The following GORASP1 variants were observed in gnomAD, a reference collection of about 807,000 sequenced individuals.
The protein encoded by GORASP1 is golgi reassembly stacking protein 1, also known as Golgi reassembly-stacking protein 1.
A neutral mutation model predicts 37.7 loss-of-function variants in GORASP1; 31 were observed. The ratio of observed to expected loss-of-function variants is 0.82; its 90% CI spans 0.62 to 1.11. The LOEUF is 1.11. Ranked by LOEUF, GORASP1 falls within the 50% of genes least tolerant of loss-of-function variation. The pLI is 0.00. For missense variants in GORASP1, 476 were observed against 560.7 expected, an observed-to-expected ratio of 0.85 and a Z score of 1.53; for synonymous variants, 204 against 224.8, an observed-to-expected ratio of 0.91 and a Z score of 0.83.
At chr3:39,099,531 G>A in intron 6 of GORASP1, 28 bp from the exon 7 acceptor site, 1 of 1,598,188 alleles carries the variant, frequency 6.3e-7, no homozygotes, top group Non-Finnish European at 8.5e-7. Flanking sequence ...ATGGGTAGGG[G>A]ACAATCAGGA....
rs2035440875 is a variant in GORASP1, at chr3:39,097,953, A to G, written c.*283T>C. The G allele has an allele frequency of 2.2e-6, 1 of 451,062 alleles. No homozygotes were observed. The highest frequency in any genetic ancestry group is 4.0e-6 in the Non-Finnish European group (1 of 247,626). 27.9% of individuals were successfully genotyped at this position (451,062 alleles called of 1,614,324 possible). A position where few individuals can be genotyped will look rare whatever the true frequency, so the allele number is the denominator to read the frequency against. The stretch of plus-strand genomic sequence containing the variant: ...CAAAGCGACCAGGCCAACACTGGAC[A>G]GCAACCCCTTCCTTCCTCACCTCAT... On this transcript the variant is annotated 3_prime_UTR_variant, in exon 9 of 9. Transcript: ENST00000319283.
chr3:39,099,258 T>G (rs769038801), intron 7 of GORASP1, 95 bp downstream of exon 7: 1 of 1,336,258 alleles, frequency 7.5e-7, no homozygotes, highest in Non-Finnish European at 1.1e-6. Flanking sequence ...ACATGAGATA[T>G]GAGGGGTCAG....
chr3:39,102,909 G>C lies in GORASP1; in HGVS notation c.145-28C>G. On this transcript the variant is annotated intron_variant, in intron 2 of 8. Transcript: ENST00000319283. The surrounding 1 kb of genome is among the most constrained non-coding windows in gnomAD (Gnocchi z 5.0). ...GTGGGGGCAATGGGGCTGACTCCAA[G>C]GCCACCTCATGCCCAGGCTAGGACC... The C allele has an allele frequency of 6.2e-7, 1 of 1,602,250 alleles. No homozygotes were observed. Among genetic ancestry groups the C allele is most frequent in the Non-Finnish European group, 8.6e-7 (1 of 1,169,150 alleles).
rs1479168148 is a variant in GORASP1, at chr3:39,098,831, G to A, written c.979C>T (p.Leu327=). ...DNSNASVWPS[L]PSSTELTTTA... ...GTGGTCAGTTCTGTGGAAGAGGGCA[G>A]GCTGGGCCACACACTGGCATTGCTG... is the stretch of plus-strand genomic sequence containing the variant. The change falls in exon 8 of 9, where the codon CTG becomes TTG. Residue 327 remains leucine (L), a synonymous_variant. Transcript: ENST00000319283. The surrounding 1 kb of genome is among the most constrained non-coding windows in gnomAD (Gnocchi z 4.7). 5 of 1,614,044 alleles carry A rather than the reference G, an allele frequency of 3.1e-6. No individual in the cohort carries two copies. The African/African-American group carries it at 6.7e-5, about 22-fold the overall frequency.
In GORASP1 at chr3:39,101,015, C is replaced by T. The variant is rs1193713030; in HGVS notation, c.435+1G>A. On this transcript the variant is annotated splice_donor_variant, in intron 4 of 8. Coordinates refer to ENST00000319283, the MANE Select transcript of GORASP1 (RefSeq NM_031899.4). LOFTEE classifies it high-confidence loss of function. ...GGAGGGGCAAATTGCGGGTTCCTCA[C>T]CTCCTGGAGAATCTGGTCCGAACCA... 1.2e-6 allele frequency: 2 copies of T among 1,614,052 alleles called. No homozygotes were observed. The highest frequency in any genetic ancestry group is 1.7e-6 in the Non-Finnish European group (2 of 1,180,000).
chr3:39,102,774 C>T lies in GORASP1; in HGVS notation c.252G>A (p.Val84=). The part of the protein sequence containing the change: ...MKTMRVREVE[V]VPSNMWGGQG... ...GGCCGCCCCACATGTTGCTGGGCAC[C>T]ACCTCCACCTCGCGCACCCTCATGG... Residue 84 remains valine, a synonymous_variant, in exon 3 of 9, where the codon GTG becomes GTA. Transcript: ENST00000319283. This position sits in a 1 kb window ranked among gnomAD's most constrained non-coding sequence, Gnocchi z 5.0. The T allele has an allele frequency of 6.2e-7, 1 of 1,614,212 alleles. No homozygotes were observed. Among genetic ancestry groups the T allele is most frequent in the Non-Finnish European group, 8.5e-7 (1 of 1,180,028 alleles).
chr3:39,106,838 G>A, intron 1 of GORASP1: 1 of 280,966 alleles, frequency 3.6e-6, no homozygotes, highest in Non-Finnish European at 7.4e-6. Flanking sequence ...TGCTCGCCCA[G>A]ACCTCCATGT....
At chr3:39,099,061 G>A (rs1168050274) in intron 7 of GORASP1, 168 bp from the exon 8 acceptor site, 7 of 905,356 alleles carry the variant, frequency 7.7e-6, no homozygotes, top group Non-Finnish European at 1.2e-5. Context: ...CACACTGCCT[G>A]TTTCTGAGGA....
At position 39,100,206 on chromosome 3, in the gene GORASP1, C is replaced by A. The variant is rs2125699791; in HGVS notation, c.765+99G>T. The stretch of plus-strand genomic sequence containing the variant: ...CTGGGTCCCAGAAGTACATGGGCCT[C>A]TCAGATCACAAAGGCCCCTGGTGAG... On this transcript the variant is annotated intron_variant, in intron 6 of 8. Coordinates refer to ENST00000319283, the MANE Select transcript of GORASP1 (RefSeq NM_031899.4). The surrounding 1 kb of genome is among the most constrained non-coding windows in gnomAD (Gnocchi z 4.6). 9.4e-7 allele frequency: 1 copy of A among 1,065,488 alleles called. No homozygotes were observed. The highest frequency in any genetic ancestry group is 1.4e-6 in the Non-Finnish European group (1 of 695,458). The allele number at this position is 1,065,488 out of a possible 1,614,324, so 66.0% of individuals were successfully genotyped here. A position where few individuals can be genotyped will look rare whatever the true frequency, so the allele number is the denominator to read the frequency against.
rs772637929 is a variant in GORASP1, at chr3:39,098,375, GCAGAGGTGAGACTGT to G, written c.1169_1183del (p.Asp390_Ser394del). 19 of 1,614,070 alleles carry G rather than the reference GCAGAGGTGAGACTGT, an allele frequency of 1.2e-5. No individual in the cohort carries two copies. In the South Asian group the frequency reaches 1.8e-4, roughly 15 times the overall value. ...GGACAGCCCATCTTCTGGTGAGGCT[GCAGAGGTGAGACTGT>G]CAGGAAGAGTCAGCTGAGGCAGGTG... On this transcript the variant is annotated inframe_deletion, in exon 9 of 9. Coordinates refer to ENST00000319283, the MANE Select transcript of GORASP1 (RefSeq NM_031899.4). The surrounding 1 kb of genome is among the most constrained non-coding windows in gnomAD (Gnocchi z 4.7).
chr3:39,096,931 A>G lies in GORASP1; in HGVS notation c.*1305T>C, dbSNP rs1342378153. 6.6e-6 allele frequency: 1 copy of G among 152,326 alleles called. No individual in the cohort carries two copies. Among genetic ancestry groups the G allele is most frequent in the Non-Finnish European group, 1.5e-5 (1 of 68,072 alleles). The allele number at this position is 152,326 out of a possible 1,614,324, so 9.4% of individuals were successfully genotyped here. ...AACAGTCCTGTGGCGATTCTGTTCTACTTCCTGCATTCCAGCAGACTTGAC... is the reference window on the plus strand; with the variant it reads ...AACAGTCCTGTGGCGATTCTGTTCTGCTTCCTGCATTCCAGCAGACTTGAC... On this transcript the variant is annotated 3_prime_UTR_variant, in exon 9 of 9. Transcript: ENST00000319283.
rs747860364 is a variant in GORASP1, at chr3:39,098,291, G to A, written c.1268C>T (p.Thr423Ile). ...GTCCAGCCCCTCAGCCTCCGTCCCA[G>A]TATCTAGGCCCTCTGTGCTTGCTGG... ...EEPASTEGLD[T>I]GTEAEGLDSQ... The change falls in exon 9 of 9, where the codon ACT becomes ATT. Residue 423 changes from threonine to isoleucine, a missense_variant. By Grantham distance (89) the Thr-to-Ile change is moderately conservative. Transcript: ENST00000319283. The surrounding 1 kb of genome is among the most constrained non-coding windows in gnomAD (Gnocchi z 4.7). 1.1e-5 allele frequency: 18 copies of A among 1,614,194 alleles called. No individual in the cohort carries two copies. Among genetic ancestry groups the A allele is most frequent in the Non-Finnish European group, 1.3e-5 (15 of 1,180,038 alleles).
chr3:39,107,078 T>C (rs1053265713), intron 1 of GORASP1: 1 of 468,318 alleles, frequency 2.1e-6, no homozygotes, highest in Non-Finnish European at 4.3e-6. Flanking sequence ...TCGGCGTGGC[T>C]GACTCTCTTC....
At chr3:39,101,678 CA>C in intron 3 of GORASP1, 1 of 424,514 alleles carries the variant, frequency 2.4e-6, no homozygotes, top group Non-Finnish European at 4.8e-6. Flanking sequence ...CTGGGAAATG[CA>C]AAGCAATTTG....
At position 39,100,878 on chromosome 3, in the gene GORASP1, CTG is replaced by C. The variant is rs2035656806; in HGVS notation, c.436-3_436-2del. On this transcript the variant is annotated splice_acceptor_variant and splice_polypyrimidine_tract_variant and intron_variant, in intron 4 of 8. Coordinates refer to ENST00000319283, the MANE Select transcript of GORASP1 (RefSeq NM_031899.4). LOFTEE classifies it high-confidence loss of function. The surrounding 1 kb of genome is among the most constrained non-coding windows in gnomAD (Gnocchi z 4.6). ...CGATGAGCGTAAAGAAGTCCTCGGA[CTG>C]TGAGAAACGCATAGCACCTGAGGCC... is the stretch of plus-strand genomic sequence containing the variant. The C allele has an allele frequency of 1.9e-6, 3 of 1,614,186 alleles. No homozygotes were observed. The highest frequency in any genetic ancestry group is 2.5e-6 in the Non-Finnish European group (3 of 1,180,006).
In GORASP1 at chr3:39,099,004, C is replaced by T. The variant is rs569541969; in HGVS notation, c.917-111G>A. 904 of 1,367,770 alleles carry T rather than the reference C, an allele frequency of 6.6e-4. 5 individuals are homozygous for T. Among genetic ancestry groups the T allele is most frequent in the Middle Eastern group, 4.4e-3 (24 of 5,446 alleles). 84.7% of individuals were successfully genotyped at this position (1,367,770 alleles called of 1,614,324 possible). ...CTGGCCCAGCCTGTGAGACTGTAAT[C>T]TCCTCAGCCCCTGGTGATACCCCTC... On this transcript the variant is annotated intron_variant, in intron 7 of 8. Transcript: ENST00000319283.
Position 39,098,506 on chromosome 3 carries a change from C to A in GORASP1, c.1070-17G>T. ...TAGCCTCACCTGCAACACAGAAGAT[C>A]AGGCTGAGGAGGTCTGCAAGAACCT... On this transcript the variant is annotated splice_polypyrimidine_tract_variant and intron_variant, in intron 8 of 8. Transcript: ENST00000319283. This position sits in a 1 kb window ranked among gnomAD's most constrained non-coding sequence, Gnocchi z 4.7. 1.2e-6 allele frequency: 2 copies of A among 1,605,372 alleles called. No individual in the cohort carries two copies. The highest frequency in any genetic ancestry group is 1.7e-6 in the Non-Finnish European group (2 of 1,175,124).
rs1209709617 is a variant in GORASP1, at chr3:39,097,128, C to T, written c.*1108G>A. 3 of 152,378 alleles carry T rather than the reference C, an allele frequency of 2.0e-5. No individual in the cohort carries two copies. Among genetic ancestry groups the T allele is most frequent in the Non-Finnish European group, 4.4e-5 (3 of 68,052 alleles). The allele number at this position is 152,378 out of a possible 1,614,324, so 9.4% of individuals were successfully genotyped here. A position where few individuals can be genotyped will look rare whatever the true frequency, so the allele number is the denominator to read the frequency against. ...GAGCAGACATTCCTTGTCCTGCATA[C>T]CTGACACAGCTTGTGAGTTCCCTGC... On this transcript the variant is annotated 3_prime_UTR_variant, in exon 9 of 9. Coordinates refer to ENST00000319283, the MANE Select transcript of GORASP1 (RefSeq NM_031899.4).
At chr3:39,101,303 C>G in intron 3 of GORASP1, 1 of 621,844 alleles carries the variant, frequency 1.6e-6, no homozygotes. Context: ...CAGCAGAGGG[C>G]AGTACCATGA....
Sources: gnomAD v4.1 joint callset for allele counts on GRCh38, gnomAD v4.1.1 for gene constraint, Gnocchi (gnomAD v3.1) non-coding constraint, MANE v1.5 for transcripts, NCBI Gene and HGNC (gene_info 2026-07-23, HGNC 2026-07-21) for gene names.